The following DNAH11 variants were observed in gnomAD, a reference collection of about 807,000 sequenced individuals.
The protein encoded by DNAH11 is axonemal beta dynein heavy chain 11.
DNAH11 carries 442 observed loss-of-function variants against 526.0 expected under a neutral mutation model. The ratio of observed to expected loss-of-function variants is 0.84; its 90% CI spans 0.78 to 0.91. The LOEUF is 0.91. DNAH11 is among the 40% of genes least tolerant of loss of function. The pLI is 0.00. For missense variants in DNAH11, 6,989 were observed against 5,448.7 expected, an observed-to-expected ratio of 1.28 and a Z score of -8.90; for synonymous variants, 2,461 against 1,935.9, an observed-to-expected ratio of 1.27 and a Z score of -7.12.
At chr7:21,689,321 C>A (rs1481055483) in intron 34 of DNAH11, among the ~76,000 whole-genome samples, 2 of 152,218 alleles carry the variant, frequency 1.3e-5, no homozygotes, top group East Asian at 3.8e-4. Flanking sequence ...CTGAAAATTG[C>A]CGAGAATACT....
At chr7:21,718,009 C>T (rs534135427) in intron 43 of DNAH11, 84 bp downstream of exon 43, 2 of 1,491,508 alleles carry the variant, frequency 1.3e-6, no homozygotes, top group Middle Eastern at 1.8e-4. Flanking sequence ...TCTTGCCTTG[C>T]CCAAGAAAGT....
intron 61 of DNAH11, among the ~76,000 whole-genome samples, chr7:21,794,966 T>A (rs1018149248): frequency 1.3e-5 from 2 of 152,148 alleles, no homozygotes; most frequent in African/African-American, 4.8e-5. Flanking sequence ...TTCTTTCTTC[T>A]GCTGCTCAGA....
intron 8 of DNAH11, 99 bp from the exon 9 acceptor site, chr7:21,581,806 C>T (rs1164061922): frequency 1.1e-5 from 8 of 713,912 alleles, no homozygotes; most frequent in South Asian, 3.6e-5. Context: ...AGACAGAGAG[C>T]GAGCGAGAGA....
chr7:21,850,608 C>CTTTTTTTTTT (rs3062635), intron 66 of DNAH11, among the ~76,000 whole-genome samples: 38 of 62,678 alleles, frequency 6.1e-4, no homozygotes, highest in African/African-American at 7.1e-4. Flanking sequence ...CTGTCTTCTT[C>CTTTTTTTTTT]TTTTTTTTTT....
At chr7:21,740,425 T>C (rs1785829223) in intron 48 of DNAH11, among the ~76,000 whole-genome samples, 1 of 152,220 alleles carries the variant, frequency 6.6e-6, no homozygotes, top group Admixed American at 6.5e-5. Context: ...CTACTTTCTG[T>C]GTCTATGATT....
intron 30 of DNAH11, among the ~76,000 whole-genome samples, chr7:21,676,106 C>T (rs1474854667): frequency 6.6e-6 from 1 of 152,110 alleles, no homozygotes; most frequent in Non-Finnish European, 1.5e-5. Context: ...GGTGTGAGGT[C>T]ATGGAAGACT....
rs1392393891 is a variant in DNAH11 at position 21,561,163 on chromosome 7, G to T, written c.975G>T (p.Val325=). The T allele has an allele frequency of 6.3e-7, 1 of 1,588,764 alleles. No homozygotes were observed. ...CTCTGAAGGACATTTTTCTGGCTGT[G>T]GAAAATGGTAAGACTCTTGTTCCTC... ...FPTLKDIFLA[V]ENALLEAQDV... Residue 325 remains valine (V), a synonymous_variant, in exon 5 of 82, where the codon GTG becomes GTT. Transcript: ENST00000409508.
intron 25 of DNAH11, among the ~76,000 whole-genome samples, chr7:21,631,726 T>G (rs1033522643): frequency 2.6e-5 from 4 of 152,300 alleles, no homozygotes; most frequent in African/African-American, 9.6e-5. Context: ...TGTGGCTTTT[T>G]GGGGTACAGT....
At chr7:21,856,951 T>C (rs1782875391) in intron 68 of DNAH11, among the ~76,000 whole-genome samples, 1 of 152,182 alleles carries the variant, frequency 6.6e-6, no homozygotes, top group East Asian at 1.9e-4. Flanking sequence ...TCAGCACATC[T>C]ATTCAGCGCT....
chr7:21,615,220 G>T lies in DNAH11; in HGVS notation c.3959G>T (p.Arg1320Leu). 1.9e-6 allele frequency: 3 copies of T among 1,613,246 alleles called. No homozygotes were observed. The highest frequency in any genetic ancestry group is 2.5e-6 in the Non-Finnish European group (3 of 1,179,544). The stretch of plus-strand genomic sequence containing the variant: ...GAGTACAAACAAATGAAACAGTGTC[G>T]CAAAGAAATAAAATTGCTCAAGGGA... ...LPEYKQMKQC[R>L]KEIKLLKGLW... Residue 1320 changes from arginine (R) to leucine (L), a missense_variant, in exon 21 of 82, where the codon CGC becomes CTC. Arg to Leu is a moderately radical substitution (Grantham distance 102, BLOSUM62 -2). Coordinates refer to ENST00000409508, the MANE Select transcript of DNAH11 (RefSeq NM_001277115.2).
At chr7:21,850,320 C>CAA (rs1782577310) in intron 66 of DNAH11, among the ~76,000 whole-genome samples, 1 of 143,658 alleles carries the variant, frequency 7.0e-6, no homozygotes, top group Non-Finnish European at 1.5e-5. Flanking sequence ...GGCGCCACAG[C>CAA]GCTCCAGCCT....
chr7:21,805,151 A>G (rs1049614600), intron 62 of DNAH11, among the ~76,000 whole-genome samples: 1 of 152,108 alleles, frequency 6.6e-6, no homozygotes, highest in Non-Finnish European at 1.5e-5. Context: ...TCCAACACAC[A>G]AGACCCCCAC....
chr7:21,639,065 G>A lies in DNAH11; in HGVS notation c.4944G>A (p.Gln1648=). ...DILSKGAQPK[Q]VTCHLAKLFD... ...TCTCAAAAGGAGCTCAGCCTAAACA[G>A]GTAATATTTTTTTTGAAAGTCTCGT... is the stretch of plus-strand genomic sequence containing the variant. The change falls in exon 28 of 82, where the codon CAG becomes CAA. Residue 1648 remains glutamine (Q), a splice_region_variant and synonymous_variant. Transcript: ENST00000409508. The A allele has an allele frequency of 6.2e-7, 1 of 1,607,126 alleles. No individual in the cohort carries two copies. Among genetic ancestry groups the A allele is most frequent in the Non-Finnish European group, 8.5e-7 (1 of 1,177,996 alleles).
At position 21,894,870 on chromosome 7, in the gene DNAH11, T is replaced by C; in HGVS notation, c.12934-14T>C. On this transcript the variant is annotated splice_polypyrimidine_tract_variant and intron_variant, in intron 78 of 81. Coordinates refer to ENST00000409508, the MANE Select transcript of DNAH11 (RefSeq NM_001277115.2). ...GGAAGATATTCACTGTGTGGCTTTT[T>C]TTCTCCATGCAAGGGGGAATTGGCA... 2 of 1,613,690 alleles carry C rather than the reference T, an allele frequency of 1.2e-6. No homozygotes were observed. Among genetic ancestry groups the C allele is most frequent in the Non-Finnish European group, 1.7e-6 (2 of 1,179,680 alleles).
intron 28 of DNAH11, among the ~76,000 whole-genome samples, chr7:21,640,801 A>G (rs1223927522): frequency 6.6e-6 from 1 of 152,128 alleles, no homozygotes; most frequent in Non-Finnish European, 1.5e-5. Flanking sequence ...TGTCAAGGCC[A>G]AGCTTTCGTT....
chr7:21,600,094 C>G lies in DNAH11; in HGVS notation c.2975C>G (p.Thr992Arg). 6.4e-7 allele frequency: 1 copy of G among 1,556,574 alleles called. No homozygotes were observed. Among genetic ancestry groups the G allele is most frequent in the Non-Finnish European group, 8.7e-7 (1 of 1,148,586 alleles). ...RMSAQMNRIA[T>R]HLEIKNYQND... ...TCTGCCCAGATGAACCGAATAGCAA[C>G]ACACCTGGAAATTAAAAATTATCAG... The change falls in exon 15 of 82, where the codon ACA (threonine) becomes AGA (arginine). Residue 992 changes from threonine (T) to arginine (R), a missense_variant. Physicochemically the swap from Thr to Arg is moderately conservative, Grantham distance 71. Transcript: ENST00000409508.
chr7:21,804,992 C>T (rs1304136811), intron 62 of DNAH11, among the ~76,000 whole-genome samples: 1 of 152,166 alleles, frequency 6.6e-6, no homozygotes, highest in Non-Finnish European at 1.5e-5. Flanking sequence ...GGCCTTCTGT[C>T]TCTCCCTCAT....
At chr7:21,608,484 C>G (rs896587289) in intron 20 of DNAH11, among the ~76,000 whole-genome samples, 1 of 152,108 alleles carries the variant, frequency 6.6e-6, no homozygotes, top group Non-Finnish European at 1.5e-5. Flanking sequence ...GCTGACAGAG[C>G]CCTTACCTCT....
chr7:21,840,588 CT>C (rs1252977710), intron 65 of DNAH11, among the ~76,000 whole-genome samples: 2 of 152,092 alleles, frequency 1.3e-5, no homozygotes, highest in Non-Finnish European at 2.9e-5. Flanking sequence ...GCTTCTCTGT[CT>C]CTTGCATGAA....
Sources: allele counts gnomAD v4.1 joint callset (sites outside exome capture counted in the v4.1 genomes callset), GRCh38; gene constraint gnomAD v4.1.1; transcripts MANE v1.5; gene names NCBI Gene and HGNC (gene_info 2026-07-23, HGNC 2026-07-21).